CLSTN2: variants seen among roughly 807,000 people sequenced by gnomAD.
The protein encoded by CLSTN2 is calsyntenin-2.
In CLSTN2, 48 loss-of-function variants were observed where a neutral mutation model predicts 101.2. The observed-to-expected ratio is 0.47, with a 90% CI of 0.38 to 0.60. The LOEUF (loss-of-function observed/expected upper bound fraction) is 0.60. CLSTN2 is among the 20% of genes least tolerant of loss of function. The pLI is 0.00. For synonymous variants in CLSTN2, 481 were observed against 463.6 expected, an observed-to-expected ratio of 1.04 and a Z score of -0.48; for missense variants, 1,160 against 1,238.2, an observed-to-expected ratio of 0.94 and a Z score of 0.95.
At position 140,566,335 on chromosome 3, in the gene CLSTN2, C is replaced by T; in HGVS notation, c.*82C>T. 7.4e-7 allele frequency: 1 copy of T among 1,346,642 alleles called. No individual in the cohort carries two copies. The allele number at this position is 1,346,642 out of a possible 1,614,324, so 83.4% of individuals were successfully genotyped here. A position where few individuals can be genotyped will look rare whatever the true frequency, so the allele number is the denominator to read the frequency against. On this transcript the variant is annotated 3_prime_UTR_variant, in exon 17 of 17. Coordinates refer to ENST00000458420, the MANE Select transcript of CLSTN2 (RefSeq NM_022131.3). ...TATGCCCATGTCTATCATACCTCAC[C>T]TCTGATGTCTGTGACATGTCTGGGA...
chr3:140,263,115 T>G, intron 2 of CLSTN2, among the ~76,000 whole-genome samples: 1 of 137,780 alleles, frequency 7.3e-6, no homozygotes, highest in African/African-American at 2.8e-5. Context: ...GCAAGGGAAG[T>G]AGTGTCCTCA....
At chr3:140,490,532 C>A (rs529846774) in intron 8 of CLSTN2, among the ~76,000 whole-genome samples, 2 of 149,114 alleles carry the variant, frequency 1.3e-5, no homozygotes, top group Admixed American at 6.8e-5. Context: ...ACACATCGGG[C>A]TGCAGTGAGC....
intron 1 of CLSTN2, among the ~76,000 whole-genome samples, chr3:140,077,598 C>T (rs910977661): frequency 6.6e-6 from 1 of 152,238 alleles, no homozygotes; most frequent in South Asian, 2.1e-4. Context: ...GTCAGGAAGG[C>T]CTGCCCTGTA....
chr3:140,053,772 C>T (rs1164831665), intron 1 of CLSTN2, among the ~76,000 whole-genome samples: 3 of 152,144 alleles, frequency 2.0e-5, no homozygotes, highest in African/African-American at 7.2e-5. Context: ...AAGCCTGTTT[C>T]ATTATGTGTG....
intron 2 of CLSTN2, among the ~76,000 whole-genome samples, chr3:140,389,122 T>C (rs560742200): frequency 1.7e-5 from 2 of 116,564 alleles, no homozygotes; most frequent in South Asian, 6.9e-4. Flanking sequence ...TCATGACAAA[T>C]AGAGCTCTTT....
chr3:140,409,956 A>G (rs749458920), intron 4 of CLSTN2, among the ~76,000 whole-genome samples: 1 of 152,062 alleles, frequency 6.6e-6, no homozygotes, highest in Non-Finnish European at 1.5e-5. Context: ...AGAAGAAAGA[A>G]TAAGCAAACT....
At chr3:140,079,127 C>T (rs2008543203) in intron 1 of CLSTN2, among the ~76,000 whole-genome samples, 1 of 152,154 alleles carries the variant, frequency 6.6e-6, no homozygotes, top group Non-Finnish European at 1.5e-5. Context: ...GACATCATGT[C>T]TATTTATAAA....
intron 2 of CLSTN2, among the ~76,000 whole-genome samples, chr3:140,238,216 C>T (rs1559815612): frequency 6.6e-6 from 1 of 152,130 alleles, no homozygotes; most frequent in Non-Finnish European, 1.5e-5. Context: ...TCCAGAGCCT[C>T]CACTTGTGAC....
intron 1 of CLSTN2, among the ~76,000 whole-genome samples, chr3:140,079,296 C>A (rs940986634): frequency 1.1e-4 from 16 of 152,086 alleles, no homozygotes; most frequent in African/African-American, 3.9e-4. Flanking sequence ...GTGTATGTGA[C>A]CTTTTCAATC....
At chr3:140,504,185 C>G (rs919476803) in intron 8 of CLSTN2, among the ~76,000 whole-genome samples, 7 of 152,176 alleles carry the variant, frequency 4.6e-5, no homozygotes, top group African/African-American at 1.7e-4. Context: ...TGATACATGG[C>G]AGGCTCCATG....
In CLSTN2 at chr3:140,403,831, G is replaced by A; in HGVS notation, c.428+7G>A. 3 of 1,603,688 alleles carry A rather than the reference G, an allele frequency of 1.9e-6. No individual in the cohort carries two copies. The highest frequency in any genetic ancestry group is 2.6e-6 in the Non-Finnish European group (3 of 1,173,542). ...CCTGGAAAAAGTCACACAAGTGAGT[G>A]GCCTGACAGAGCCCTCTGGACGCCC... On this transcript the variant is annotated splice_region_variant and intron_variant, in intron 3 of 16. Transcript: ENST00000458420.
intron 2 of CLSTN2, among the ~76,000 whole-genome samples, chr3:140,339,821 G>A (rs2087474694): frequency 2.0e-5 from 3 of 152,324 alleles, no homozygotes; most frequent in South Asian, 4.1e-4. Context: ...ATACCCATTT[G>A]TTCTTAGTGT....
At chr3:140,396,706 C>T (rs1307467612) in intron 2 of CLSTN2, among the ~76,000 whole-genome samples, 4 of 152,134 alleles carry the variant, frequency 2.6e-5, no homozygotes, top group African/African-American at 7.2e-5. Flanking sequence ...TTCCCCAGCC[C>T]CCCAACAATT....
intron 1 of CLSTN2, among the ~76,000 whole-genome samples, chr3:139,989,831 G>T (rs1324515045): frequency 1.3e-5 from 2 of 152,128 alleles, no homozygotes; most frequent in African/African-American, 2.4e-5. Flanking sequence ...CCTTCTGAAA[G>T]ACTCTTCACA....
intron 1 of CLSTN2, among the ~76,000 whole-genome samples, chr3:140,114,015 T>G (rs1233830881): frequency 6.6e-6 from 1 of 152,144 alleles, no homozygotes; most frequent in Non-Finnish European, 1.5e-5. Flanking sequence ...GGGGATCTGG[T>G]GATCTGCAGC....
intron 2 of CLSTN2, among the ~76,000 whole-genome samples, chr3:140,275,917 G>A (rs372384853): frequency 1.9e-4 from 29 of 152,312 alleles, no homozygotes; most frequent in African/African-American, 6.5e-4. Context: ...TTGAAGGGTA[G>A]GAGTTAGACC....
chr3:140,065,778 G>T (rs1226839775), intron 1 of CLSTN2, among the ~76,000 whole-genome samples: 2 of 152,176 alleles, frequency 1.3e-5, no homozygotes, highest in Non-Finnish European at 2.9e-5. Flanking sequence ...GGTGCTGTTG[G>T]CAAATACAGC....
chr3:140,522,860 T>C (rs747283447), intron 8 of CLSTN2, among the ~76,000 whole-genome samples: 4 of 151,704 alleles, frequency 2.6e-5, no homozygotes, highest in Non-Finnish European at 4.4e-5. Flanking sequence ...GTTCCTGTTA[T>C]GTGAGTTTAA....
chr3:140,234,964 TC>T (rs2086403936), intron 2 of CLSTN2, among the ~76,000 whole-genome samples: 1 of 152,156 alleles, frequency 6.6e-6, no homozygotes, highest in South Asian at 2.1e-4. Flanking sequence ...TTCCCCTCTT[TC>T]CCGGAGCTCA....
Sources: allele counts gnomAD v4.1 joint callset (sites outside exome capture counted in the v4.1 genomes callset), GRCh38; gene constraint gnomAD v4.1.1; transcripts MANE v1.5; gene names NCBI Gene and HGNC (gene_info 2026-07-23, HGNC 2026-07-21).